The following GALK2 variants were observed in gnomAD, a reference collection of about 807,000 sequenced individuals.
GALK2 encodes the protein N-acetylgalactosamine kinase.
Under a neutral mutation model 52.4 loss-of-function variants are expected in GALK2, and 36 were observed. The observed-to-expected ratio is 0.69, with a 90% CI of 0.53 to 0.91. The LOEUF is 0.91. Ranked by LOEUF, GALK2 falls within the 40% of genes least tolerant of loss-of-function variation. The probability of loss-of-function intolerance (pLI) is 0.00; values close to 1 mark genes in which losing one functional copy is unlikely to be tolerated. For synonymous variants in GALK2, 176 were observed against 199.1 expected, an observed-to-expected ratio of 0.88 and a Z score of 0.98; for missense variants, 579 against 559.1, an observed-to-expected ratio of 1.04 and a Z score of -0.36.
At chr15:49,346,228 C>G (rs1197588576) in intron 3 of GALK2, among the ~76,000 whole-genome samples, 1 of 152,184 alleles carries the variant, frequency 6.6e-6, no homozygotes, top group Non-Finnish European at 1.5e-5. Context: ...ACCACCAGCC[C>G]TTGAGCTGGG....
At chr15:49,229,285 G>A (rs1379167255) in intron 3 of GALK2, among the ~76,000 whole-genome samples, 1 of 152,148 alleles carries the variant, frequency 6.6e-6, no homozygotes, top group Non-Finnish European at 1.5e-5. Flanking sequence ...GGTTGTTGTT[G>A]GAGACTGTGG....
chr15:49,168,721 A>C (rs1180160601), upstream of GALK2, among the ~76,000 whole-genome samples: 1 of 150,752 alleles, frequency 6.6e-6, no homozygotes, highest in Non-Finnish European at 1.5e-5. Flanking sequence ...CTCCATCTAA[A>C]AAAAAAAAAA....
At chr15:49,277,143 T>G (rs1467387967) in intron 5 of GALK2, among the ~76,000 whole-genome samples, 1 of 1,594 alleles carries the variant, frequency 6.3e-4, no homozygotes, top group Non-Finnish European at 2.1e-3. Context: ...TTGTATTTTT[T>G]TTTTTTTTTT....
At chr15:49,314,971 G>A (rs991408032) in intron 8 of GALK2, among the ~76,000 whole-genome samples, 9 of 152,328 alleles carry the variant, frequency 5.9e-5, no homozygotes, top group East Asian at 1.9e-4. Flanking sequence ...AGCACAGCTC[G>A]GAGGCTGGGC....
At chr15:49,305,301 T>A (rs974597999) in intron 8 of GALK2, among the ~76,000 whole-genome samples, 5 of 152,104 alleles carry the variant, frequency 3.3e-5, no homozygotes, top group Non-Finnish European at 5.9e-5. Context: ...CCATATGAGA[T>A]CTCATTTGAT....
chr15:49,350,591 T>C (rs2042098144), intron 3 of GALK2, among the ~76,000 whole-genome samples: 1 of 152,162 alleles, frequency 6.6e-6, no homozygotes, highest in African/African-American at 2.4e-5. Flanking sequence ...AAAACTGAGC[T>C]TAAAAGTAAG....
At chr15:49,225,082 T>C in intron 3 of GALK2, 2 of 364,260 alleles carry the variant, frequency 5.5e-6, no homozygotes, top group Non-Finnish European at 1.1e-5. Context: ...TTTCAGTGCA[T>C]TTGCAGTAGT....
chr15:49,170,346 G>A lies in GALK2; in HGVS notation c.24G>A (p.Thr8=), dbSNP rs753879403. The change falls in exon 1 of 10, where the codon ACG becomes ACA. Residue 8 remains threonine (T), a synonymous_variant. Transcript: ENST00000560031. ...ATATGGCTACAGAGAGCCCTGCTAC[G>A]CGTCGGGTCCAGGTGGCAGAACATC... MATESPA[T]RRVQVAEHPR... 7 of 1,592,434 alleles carry A rather than the reference G, an allele frequency of 4.4e-6. No individual in the cohort carries two copies. The East Asian group carries it at 1.1e-4, about 26-fold the overall frequency.
At position 49,170,257 on chromosome 15, in the gene GALK2, C is replaced by T; in HGVS notation, c.-66C>T. 1 of 1,547,896 alleles carries T rather than the reference C, an allele frequency of 6.5e-7. No individual in the cohort carries two copies. Among genetic ancestry groups the T allele is most frequent in the Non-Finnish European group, 8.7e-7 (1 of 1,144,494 alleles). ...AAAACGGCTCCTGTCACAGAAGTCTCGTGATTGCTCTGGGAGCTTTGCTTA... is the reference window on the plus strand; with the variant it reads ...AAAACGGCTCCTGTCACAGAAGTCTTGTGATTGCTCTGGGAGCTTTGCTTA... On this transcript the variant is annotated 5_prime_UTR_variant, in exon 1 of 10. Transcript: ENST00000560031.
At chr15:49,259,614 A>C (rs199894803) in intron 5 of GALK2, among the ~76,000 whole-genome samples, 3,224 of 146,456 alleles carry the variant, frequency 0.022, 89 homozygotes, top group South Asian at 0.076. Flanking sequence ...GTTTTAGGGT[A>C]CATGTGCACA....
upstream of GALK2, among the ~76,000 whole-genome samples, chr15:49,166,205 G>A (rs1595856665): frequency 6.6e-6 from 1 of 152,146 alleles, no homozygotes; most frequent in Non-Finnish European, 1.5e-5. Flanking sequence ...GAGTACTGAT[G>A]TGATGCTTTG....
chr15:49,367,344 TA>T, intron 3 of GALK2: 1 of 1,051,386 alleles, frequency 9.5e-7, no homozygotes, highest in Non-Finnish European at 1.3e-6. Flanking sequence ...GAAGCATTGA[TA>T]AAACATGCAT....
chr15:49,237,110 C>CA (rs2090853225), intron 4 of GALK2, among the ~76,000 whole-genome samples: 1 of 152,160 alleles, frequency 6.6e-6, no homozygotes, highest in Admixed American at 6.5e-5. Flanking sequence ...TTCCTTGTAA[C>CA]AACATGCCTT....
At chr15:49,294,516 G>T (rs1295214534) in intron 8 of GALK2, among the ~76,000 whole-genome samples, 1 of 152,148 alleles carries the variant, frequency 6.6e-6, no homozygotes, top group African/African-American at 2.4e-5. Flanking sequence ...TTTATTGAAT[G>T]AAGAAGTTGG....
chr15:49,308,722 A>G (rs2035746569), intron 8 of GALK2, among the ~76,000 whole-genome samples: 1 of 152,184 alleles, frequency 6.6e-6, no homozygotes, highest in African/African-American at 2.4e-5. Context: ...CAGGCCTGGG[A>G]ACCACCCTTC....
At chr15:49,206,660 A>T (rs767169037) in intron 2 of GALK2, among the ~76,000 whole-genome samples, 15 of 152,022 alleles carry the variant, frequency 9.9e-5, no homozygotes, top group Non-Finnish European at 1.9e-4. Context: ...TGGTATATAG[A>T]AGAGCTATAT....
chr15:49,218,804 C>T (rs2089579384), intron 3 of GALK2, among the ~76,000 whole-genome samples: 1 of 151,980 alleles, frequency 6.6e-6, no homozygotes, highest in South Asian at 2.1e-4. Flanking sequence ...GGGTAAATAC[C>T]TATGATTGGA....
At chr15:49,327,260 T>TA (rs1167536907) in intron 9 of GALK2, 12 of 152,242 alleles carry the variant, frequency 7.9e-5, no homozygotes, top group Admixed American at 2.0e-4. Flanking sequence ...ATAATCAGAC[T>TA]AGCTCCAGAA....
At chr15:49,295,010 T>A (rs760826068) in intron 8 of GALK2, among the ~76,000 whole-genome samples, 3 of 152,092 alleles carry the variant, frequency 2.0e-5, no homozygotes, top group Non-Finnish European at 4.4e-5. Flanking sequence ...GGATGCCAAT[T>A]AGGAAACTAT....
Sources: gnomAD v4.1 joint callset for allele counts (sites outside exome capture counted in the v4.1 genomes callset) on GRCh38, gnomAD v4.1.1 for gene constraint, MANE v1.5 for transcripts, NCBI Gene and HGNC (gene_info 2026-07-23, HGNC 2026-07-21) for gene names.